The following SLIT3 variants were observed in gnomAD, a reference collection of about 807,000 sequenced individuals.
The protein encoded by SLIT3 is slit homolog 3 protein.
Under a neutral mutation model 184.0 loss-of-function variants are expected in SLIT3, and 68 were observed. That is an observed-to-expected ratio of 0.37 (90% CI 0.30 to 0.45). SLIT3 has a LOEUF of 0.45. Among genes scored for constraint, SLIT3 ranks in the 20% least tolerant of loss-of-function variants. The pLI, the probability that SLIT3 is intolerant of heterozygous loss-of-function variation, is 1.00. For missense variants in SLIT3, 1,707 were observed against 2,026.0 expected (o/e 0.84, Z 3.02); for synonymous variants, 831 against 828.6 (o/e 1.00, Z -0.05).
chr5:169,116,752 G>A (rs1193374249), intron 4 of SLIT3, among the ~76,000 whole-genome samples: 1 of 152,220 alleles, frequency 6.6e-6, no homozygotes, highest in Non-Finnish European at 1.5e-5. Context: ...TGCATCAGGA[G>A]AAGAGGCCCT....
At chr5:169,050,901 G>A (rs1477696015) in intron 4 of SLIT3, among the ~76,000 whole-genome samples, 1 of 152,182 alleles carries the variant, frequency 6.6e-6, no homozygotes, top group South Asian at 2.1e-4. Context: ...CACTATTTAT[G>A]TTTCGCATTT....
At chr5:169,255,706 AC>A (rs1223396734) in intron 1 of SLIT3, among the ~76,000 whole-genome samples, 2 of 152,044 alleles carry the variant, frequency 1.3e-5, no homozygotes, top group Non-Finnish European at 2.9e-5. Flanking sequence ...ACACGGTGAA[AC>A]CCCGTCTCTA....
chr5:169,042,383 A>G (rs1429191588), intron 4 of SLIT3, among the ~76,000 whole-genome samples: 1 of 152,232 alleles, frequency 6.6e-6, no homozygotes, highest in Non-Finnish European at 1.5e-5. Flanking sequence ...TGCATTATTT[A>G]AAAACTGCTT....
intron 7 of SLIT3, among the ~76,000 whole-genome samples, chr5:168,822,263 A>T (rs1757558295): frequency 6.6e-6 from 1 of 152,168 alleles, no homozygotes; most frequent in Non-Finnish European, 1.5e-5. Flanking sequence ...GTAACAATCA[A>T]TATCATTTAT....
rs561059423 is a variant in SLIT3 at position 168,831,430 on chromosome 5, G to A, written c.558-8099C>T. The stretch of plus-strand genomic sequence containing the variant: ...GAGTTCCTTGATCTCCCTGTGGACC[G>A]TTTAAATTAAAGCTCATAACCATTG... On this transcript the variant is annotated intron_variant, in intron 6 of 35. Coordinates refer to ENST00000519560, the MANE Select transcript of SLIT3 (RefSeq NM_003062.4). Among the ~76,000 whole-genome samples, 20 of 152,206 alleles carry A rather than the reference G, an allele frequency of 1.3e-4. No homozygotes were observed. The South Asian group carries it at 2.7e-3, about 21-fold the overall frequency.
At chr5:169,134,601 AGGGCTGG>A (rs1310886779) in intron 4 of SLIT3, among the ~76,000 whole-genome samples, 2 of 152,080 alleles carry the variant, frequency 1.3e-5, no homozygotes, top group Non-Finnish European at 2.9e-5. Flanking sequence ...GGCCTGTCGG[AGGGCTGG>A]GGGCTGGGGG....
intron 4 of SLIT3, among the ~76,000 whole-genome samples, chr5:169,178,078 G>A (rs1323416761): frequency 6.6e-6 from 1 of 152,196 alleles, no homozygotes; most frequent in African/African-American, 2.4e-5. Context: ...TTCTACAGGT[G>A]AGAATTGCTA....
intron 5 of SLIT3, among the ~76,000 whole-genome samples, chr5:168,867,718 G>A (rs192268717): frequency 2.6e-5 from 4 of 152,292 alleles, no homozygotes; most frequent in South Asian, 2.1e-4. Flanking sequence ...TGCCTCCCCC[G>A]AGCCTTCTTG....
At chr5:168,799,828 C>G (rs1756702794) in intron 9 of SLIT3, among the ~76,000 whole-genome samples, 1 of 152,120 alleles carries the variant, frequency 6.6e-6, no homozygotes, top group Admixed American at 6.5e-5. Context: ...TATTAATGTA[C>G]TCATTTTACA....
intron 2 of SLIT3, among the ~76,000 whole-genome samples, chr5:169,248,833 G>GA (rs1765682856): frequency 6.6e-6 from 1 of 151,854 alleles, no homozygotes; most frequent in Non-Finnish European, 1.5e-5. Flanking sequence ...CATCCCATGG[G>GA]AGAAAAAAAA....
At chr5:168,743,607 C>A (rs2113438943) in intron 20 of SLIT3, among the ~76,000 whole-genome samples, 1 of 152,304 alleles carries the variant, frequency 6.6e-6, no homozygotes, top group South Asian at 2.1e-4. Context: ...AATAACCCTA[C>A]AACGGCCTCT....
intron 1 of SLIT3, among the ~76,000 whole-genome samples, chr5:169,267,385 A>G (rs2113624868): frequency 6.6e-6 from 1 of 152,362 alleles, no homozygotes; most frequent in East Asian, 1.9e-4. Context: ...CCAGGGCCAT[A>G]TCTGATTTAT....
rs906964272 is a variant in SLIT3, at chr5:168,799,982, G to T, written c.936-4404C>A. Among the ~76,000 whole-genome samples the T allele has an allele frequency of 2.0e-5, 3 of 152,056 alleles. No individual in the cohort carries two copies. In the East Asian group the frequency reaches 5.8e-4, roughly 29 times the overall value. ...AGGCTATCCTGCCTCCCACCCAGAAGCCACTTTTGTGGTTTCTTAACTCTT... is the reference window on the plus strand; with the variant it reads ...AGGCTATCCTGCCTCCCACCCAGAATCCACTTTTGTGGTTTCTTAACTCTT... On this transcript the variant is annotated intron_variant, in intron 9 of 35. Transcript: ENST00000519560.
chr5:168,752,156 A>G (rs1754739355), intron 18 of SLIT3, among the ~76,000 whole-genome samples: 1 of 152,204 alleles, frequency 6.6e-6, no homozygotes, highest in Non-Finnish European at 1.5e-5. Context: ...GCAGTCCTGC[A>G]GCCTGACCCT....
chr5:169,077,775 A>T (rs1758803851), intron 4 of SLIT3, among the ~76,000 whole-genome samples: 1 of 150,732 alleles, frequency 6.6e-6, no homozygotes, highest in Admixed American at 6.6e-5. Flanking sequence ...TTATCACTTG[A>T]TGGGCTTATA....
At chr5:168,714,132 C>T (rs552763723) in intron 23 of SLIT3, among the ~76,000 whole-genome samples, 2 of 152,338 alleles carry the variant, frequency 1.3e-5, no homozygotes, top group East Asian at 1.9e-4. Flanking sequence ...AGAGTGTTCA[C>T]GATAGCTTCT....
chr5:168,724,106 A>G (rs895167363), intron 21 of SLIT3, among the ~76,000 whole-genome samples: 28 of 152,210 alleles, frequency 1.8e-4, no homozygotes, highest in Non-Finnish European at 3.7e-4. Flanking sequence ...CAATGTCCAT[A>G]GTTCCGAAGT....
At chr5:168,817,738 C>T (rs187604926) in intron 7 of SLIT3, among the ~76,000 whole-genome samples, 1 of 152,318 alleles carries the variant, frequency 6.6e-6, no homozygotes, top group East Asian at 1.9e-4. Flanking sequence ...AAGCAAGCCT[C>T]AGCACATGAG....
chr5:169,188,069 C>T (rs899409559), intron 4 of SLIT3, among the ~76,000 whole-genome samples: 1 of 152,110 alleles, frequency 6.6e-6, no homozygotes, highest in Non-Finnish European at 1.5e-5. Flanking sequence ...GCGATCCCCG[C>T]ACCTCAGCCT....
Sources: allele counts gnomAD v4.1 joint callset (sites outside exome capture counted in the v4.1 genomes callset), GRCh38; gene constraint gnomAD v4.1.1; transcripts MANE v1.5; gene names NCBI Gene and HGNC (gene_info 2026-07-23, HGNC 2026-07-21).